Variants in VPS13A observed in about 807,000 individuals in gnomAD.
VPS13A encodes intermembrane lipid transfer protein VPS13A.
In VPS13A, 264 loss-of-function variants were observed where a neutral mutation model predicts 390.9. The observed-to-expected ratio is 0.68, with a 90% CI of 0.61 to 0.75. VPS13A has a LOEUF of 0.75. Among genes scored for constraint, VPS13A ranks in the 30% least tolerant of loss-of-function variants. The pLI, the probability that VPS13A is intolerant of heterozygous loss-of-function variation, is 0.00. For missense variants in VPS13A, 3,409 were observed against 3,733.9 expected, an observed-to-expected ratio of 0.91 and a Z score of 2.27; for synonymous variants, 1,231 against 1,227.1, an observed-to-expected ratio of 1.00 and a Z score of -0.07.
At chr9:77,337,656 A>G (rs1587612715) in intron 47 of VPS13A, 119 bp downstream of exon 47, 2 of 990,302 alleles carry the variant, frequency 2.0e-6, no homozygotes, top group South Asian at 1.7e-5. Context: ...CTAGTAAAGA[A>G]TAGGTAATGC....
At chr9:77,405,663 G>A (rs1834566776) in intron 69 of VPS13A, among the ~76,000 whole-genome samples, 1 of 152,030 alleles carries the variant, frequency 6.6e-6, no homozygotes, top group Admixed American at 6.6e-5. Flanking sequence ...TTATCTTTTT[G>A]TTTGGGTTTC....
intron 37 of VPS13A, 111 bp downstream of exon 37, chr9:77,314,775 T>G: frequency 9.5e-7 from 1 of 1,053,780 alleles, no homozygotes; most frequent in Non-Finnish European, 1.4e-6. Context: ...CTAGGTTCTT[T>G]AAAGCTTCAA....
intron 48 of VPS13A, 91 bp from the exon 49 acceptor site, chr9:77,340,087 T>C: frequency 7.2e-7 from 1 of 1,392,550 alleles, no homozygotes; most frequent in East Asian, 2.3e-5. Context: ...CAATATAATA[T>C]TTTGTTTATG....
At chr9:77,336,338 A>G (rs990912060) in intron 46 of VPS13A, among the ~76,000 whole-genome samples, 3 of 152,206 alleles carry the variant, frequency 2.0e-5, no homozygotes, top group Admixed American at 6.5e-5. Context: ...TGTATCCCAG[A>G]ACCTAAAGTA....
At chr9:77,347,398 T>A (rs1406817236) in intron 52 of VPS13A, among the ~76,000 whole-genome samples, 1 of 152,248 alleles carries the variant, frequency 6.6e-6, no homozygotes, top group Non-Finnish European at 1.5e-5. Flanking sequence ...CCTGCCATTA[T>A]CCTAGTTCAG....
intron 45 of VPS13A, among the ~76,000 whole-genome samples, chr9:77,325,655 TC>T (rs1829979703): frequency 6.6e-6 from 1 of 152,028 alleles, no homozygotes; most frequent in Non-Finnish European, 1.5e-5. Context: ...TACTTCCTTG[TC>T]TTTTTGTTGT....
intron 33 of VPS13A, among the ~76,000 whole-genome samples, chr9:77,299,236 A>G (rs1828194365): frequency 6.6e-6 from 1 of 152,168 alleles, no homozygotes; most frequent in Non-Finnish European, 1.5e-5. Context: ...TGTCTTGGCT[A>G]TACGGGCTCT....
At chr9:77,183,272 A>C (rs922767407) in intron 1 of VPS13A, among the ~76,000 whole-genome samples, 5 of 152,208 alleles carry the variant, frequency 3.3e-5, no homozygotes, top group African/African-American at 1.2e-4. Context: ...GATAAGTTTT[A>C]GCATATATGT....
At chr9:77,279,687 G>A (rs1404176217) in intron 26 of VPS13A, among the ~76,000 whole-genome samples, 3 of 152,092 alleles carry the variant, frequency 2.0e-5, no homozygotes, top group Non-Finnish European at 4.4e-5. Context: ...TGATTACATG[G>A]TAATAGGGTT....
chr9:77,290,823 TCAC>T (rs1827609438), intron 31 of VPS13A, among the ~76,000 whole-genome samples: 1 of 152,198 alleles, frequency 6.6e-6, no homozygotes, highest in Non-Finnish European at 1.5e-5. Flanking sequence ...ATAATAATAT[TCAC>T]CATCTATTCA....
chr9:77,228,076 A>G (rs1358803208), intron 16 of VPS13A, 46 bp from the exon 17 acceptor site: 1 of 903,338 alleles, frequency 1.1e-6, no homozygotes, highest in African/African-American at 1.7e-5. Context: ...TGTTATGCTT[A>G]TATATATATA....
intron 22 of VPS13A, among the ~76,000 whole-genome samples, chr9:77,257,157 A>G (rs565237686): frequency 1.8e-4 from 28 of 151,696 alleles, no homozygotes; most frequent in African/African-American, 6.5e-4. Context: ...CCAGTTTTGT[A>G]TATTCTACAA....
intron 45 of VPS13A, among the ~76,000 whole-genome samples, chr9:77,331,677 T>A (rs1830282517): frequency 6.6e-6 from 1 of 151,952 alleles, no homozygotes; most frequent in Non-Finnish European, 1.5e-5. Context: ...AAATTTTGAT[T>A]TTTTTCTGTG....
At chr9:77,403,169 G>A in intron 68 of VPS13A, 67 bp from the exon 69 acceptor site, 1 of 1,091,936 alleles carries the variant, frequency 9.2e-7, no homozygotes, top group South Asian at 1.3e-5. Context: ...AGGACTATAA[G>A]GCATTGTTTG....
At chr9:77,236,469 G>A (rs62573191) in intron 17 of VPS13A, among the ~76,000 whole-genome samples, 15,489 of 152,102 alleles carry the variant, frequency 0.1, 815 homozygotes, top group Middle Eastern at 0.13. Flanking sequence ...CCCTCTCCAT[G>A]GTTAGTTGTT....
At chr9:77,400,354 A>G (rs1369459899) in intron 68 of VPS13A, among the ~76,000 whole-genome samples, 3 of 149,898 alleles carry the variant, frequency 2.0e-5, no homozygotes, top group African/African-American at 4.9e-5. Flanking sequence ...AAATGACTCT[A>G]TATCTCTGTA....
At chr9:77,322,243 TG>T (rs1461918707) in intron 44 of VPS13A, among the ~76,000 whole-genome samples, 3 of 151,882 alleles carry the variant, frequency 2.0e-5, no homozygotes, top group Admixed American at 2.0e-4. Flanking sequence ...TTTTTTCCTT[TG>T]TCTTTTCTGC....
chr9:77,288,767 G>A (rs1005319929), intron 31 of VPS13A, among the ~76,000 whole-genome samples: 4 of 152,194 alleles, frequency 2.6e-5, no homozygotes, highest in Admixed American at 6.5e-5. Context: ...GGGCAAGTAG[G>A]TTGGTGGATA....
intron 65 of VPS13A, 34 bp downstream of exon 65, chr9:77,370,612 G>GA (rs1202113547): frequency 6.2e-7 from 1 of 1,613,236 alleles, no homozygotes; most frequent in African/African-American, 1.3e-5. Context: ...AAGATTTTGG[G>GA]AAATATCTTT....
Sources: allele counts gnomAD v4.1 joint callset (sites outside exome capture counted in the v4.1 genomes callset), GRCh38; gene constraint gnomAD v4.1.1; transcripts MANE v1.5; gene names NCBI Gene and HGNC (gene_info 2026-07-23, HGNC 2026-07-21).